SEMA6D: variants seen among roughly 807,000 people sequenced by gnomAD.
The protein encoded by SEMA6D is semaphorin-6D.
In SEMA6D, 35 loss-of-function variants were observed where a neutral mutation model predicts 106.6. The ratio of observed to expected loss-of-function variants is 0.33; its 90% CI spans 0.25 to 0.44. The LOEUF is 0.44. Ranked by LOEUF, SEMA6D falls within the 20% of genes least tolerant of loss-of-function variation. The probability of loss-of-function intolerance (pLI) is 1.00; values close to 1 mark genes in which losing one functional copy is unlikely to be tolerated. For missense variants in SEMA6D, 1,185 were observed against 1,345.9 expected (o/e 0.88, Z 1.87); for synonymous variants, 499 against 487.7 (o/e 1.02, Z -0.31).
At chr15:47,249,749 G>T (rs1221967727) in intron 1 of SEMA6D, among the ~76,000 whole-genome samples, 3 of 152,186 alleles carry the variant, frequency 2.0e-5, no homozygotes, top group Non-Finnish European at 4.4e-5. Context: ...GCAAAAGGAA[G>T]CATGGGGAAA....
intron 3 of SEMA6D, among the ~76,000 whole-genome samples, chr15:47,528,234 T>A (rs890153): frequency 6.6e-6 from 1 of 152,016 alleles, no homozygotes; most frequent in African/African-American, 2.4e-5. Context: ...GAGGAATAAC[T>A]AAATTCTTAT....
At chr15:47,364,481 C>T (rs1161647137) in intron 1 of SEMA6D, among the ~76,000 whole-genome samples, 4 of 152,174 alleles carry the variant, frequency 2.6e-5, no homozygotes, top group Admixed American at 2.6e-4. Flanking sequence ...GGTCAACATG[C>T]AAGATGCTGG....
At chr15:47,742,564 C>A (rs1278475921) in intron 1 of SEMA6D, among the ~76,000 whole-genome samples, 1 of 152,196 alleles carries the variant, frequency 6.6e-6, no homozygotes, top group African/African-American at 2.4e-5. Context: ...ATAAACCAGG[C>A]CAGGCCTGTT....
rs571579784 is a variant in SEMA6D, at chr15:47,444,336, C to A, written c.-158-26138C>A. Among the ~76,000 whole-genome samples the A allele has an allele frequency of 2.0e-5, 3 of 152,238 alleles. No homozygotes were observed. The East Asian group carries it at 5.8e-4, about 30-fold the overall frequency. Reference sequence around the variant, plus strand: ...TAATAGCTAAAATGGGCAAGGATGACTTTCAGTGGAGATGGGATATTTTAA... The same window carrying A: ...TAATAGCTAAAATGGGCAAGGATGAATTTCAGTGGAGATGGGATATTTTAA... On this transcript the variant is annotated intron_variant, in intron 2 of 19. Coordinates refer to the SEMA6D transcript ENST00000558014.
intron 1 of SEMA6D, among the ~76,000 whole-genome samples, chr15:47,732,608 A>G (rs1048151377): frequency 6.6e-6 from 1 of 152,224 alleles, no homozygotes; most frequent in Admixed American, 6.5e-5. Flanking sequence ...TTTGTTATAG[A>G]GAATTATACA....
At chr15:47,497,629 C>T (rs561607440) in intron 3 of SEMA6D, among the ~76,000 whole-genome samples, 2 of 152,212 alleles carry the variant, frequency 1.3e-5, no homozygotes, top group South Asian at 4.2e-4. Flanking sequence ...TTGTATGCCT[C>T]AGTCTCCTTA....
At chr15:47,613,391 G>A (rs2076948778) in intron 4 of SEMA6D, among the ~76,000 whole-genome samples, 1 of 152,076 alleles carries the variant, frequency 6.6e-6, no homozygotes, top group Non-Finnish European at 1.5e-5. Flanking sequence ...AGGTTTTGAG[G>A]ATACAGTAGT....
intron 4 of SEMA6D, among the ~76,000 whole-genome samples, chr15:47,646,715 G>A (rs567274001): frequency 6.6e-6 from 1 of 152,098 alleles, no homozygotes; most frequent in Non-Finnish European, 1.5e-5. Flanking sequence ...TTCAACTTTA[G>A]GAAAAAAGTG....
At chr15:47,540,619 C>A (rs910648319) in intron 3 of SEMA6D, among the ~76,000 whole-genome samples, 6 of 152,148 alleles carry the variant, frequency 3.9e-5, no homozygotes, top group Non-Finnish European at 8.8e-5. Context: ...TCAGCAGCTA[C>A]ATACCGAATA....
At chr15:47,582,802 A>G (rs1324381464) in intron 3 of SEMA6D, among the ~76,000 whole-genome samples, 2 of 151,922 alleles carry the variant, frequency 1.3e-5, no homozygotes, top group Non-Finnish European at 2.9e-5. Flanking sequence ...CGCAAGATCC[A>G]TAAGTGATTC....
chr15:47,762,644 A>G (rs571752764), intron 8 of SEMA6D, among the ~76,000 whole-genome samples: 6 of 152,324 alleles, frequency 3.9e-5, no homozygotes, highest in African/African-American at 1.4e-4. Context: ...AAGTTACCAG[A>G]GAGAATCGAT....
At chr15:47,235,193 T>G (rs2032463073) in intron 1 of SEMA6D, among the ~76,000 whole-genome samples, 1 of 152,162 alleles carries the variant, frequency 6.6e-6, no homozygotes. Flanking sequence ...ATTATTTGTT[T>G]TTTTCTTGCT....
At chr15:47,277,304 T>C (rs1291140240) in intron 1 of SEMA6D, among the ~76,000 whole-genome samples, 1 of 152,178 alleles carries the variant, frequency 6.6e-6, no homozygotes, top group African/African-American at 2.4e-5. Flanking sequence ...GAAGTCATAC[T>C]GTGGGTAGAA....
chr15:47,516,639 T>C (rs2044398115), intron 3 of SEMA6D, among the ~76,000 whole-genome samples: 1 of 152,138 alleles, frequency 6.6e-6, no homozygotes, highest in African/African-American at 2.4e-5. Flanking sequence ...TTCAGTGTCC[T>C]TGATGGGGAC....
At chr15:47,385,045 A>ATTTTTTTTTT (rs374354563) in intron 1 of SEMA6D, among the ~76,000 whole-genome samples, 1 of 94,358 alleles carries the variant, frequency 1.1e-5, no homozygotes, top group African/African-American at 4.2e-5. Flanking sequence ...CTGGACTGTA[A>ATTTTTTTTTT]TTTTTTTTTT....
chr15:47,227,992 TTA>T (rs1266895237), intron 1 of SEMA6D, among the ~76,000 whole-genome samples: 3 of 115,800 alleles, frequency 2.6e-5, no homozygotes, highest in South Asian at 3.0e-4. Context: ...TATAAGATTC[TTA>T]TATATTTTAT....
intron 1 of SEMA6D, among the ~76,000 whole-genome samples, chr15:47,748,977 C>T (rs567554011): frequency 1.3e-5 from 2 of 151,702 alleles, no homozygotes; most frequent in African/African-American, 2.4e-5. Flanking sequence ...ATGATGGAGA[C>T]GGGGCCGTCT....
chr15:47,475,738 A>C (rs1192443162), intron 3 of SEMA6D, among the ~76,000 whole-genome samples: 2 of 152,324 alleles, frequency 1.3e-5, no homozygotes, highest in African/African-American at 4.8e-5. Context: ...ATTAGGTCTG[A>C]AAACATGGTA....
chr15:47,300,002 A>G (rs1170364978), intron 1 of SEMA6D, among the ~76,000 whole-genome samples: 3 of 152,226 alleles, frequency 2.0e-5, no homozygotes, highest in Admixed American at 6.5e-5. Flanking sequence ...GTATACATTA[A>G]CAGATTAGCA....
Sources: allele counts gnomAD v4.1 joint callset (sites outside exome capture counted in the v4.1 genomes callset), GRCh38; gene constraint gnomAD v4.1.1; transcripts MANE v1.5; gene names NCBI Gene and HGNC (gene_info 2026-07-23, HGNC 2026-07-21).